Variants in PFKP observed in about 807,000 individuals in gnomAD.
PFKP encodes phosphofructokinase, platelet, also known as ATP-dependent 6-phosphofructokinase, platelet type.
In PFKP, 101 loss-of-function variants were observed where a neutral mutation model predicts 94.3. The ratio of observed to expected loss-of-function variants is 1.07; its 90% CI spans 0.91 to 1.26. The LOEUF is 1.26. PFKP is among the 50% of genes most tolerant of loss of function. The pLI is 0.00. For synonymous variants in PFKP, 573 were observed against 432.6 expected (o/e 1.32, Z -4.03); for missense variants, 1,145 against 1,103.3 (o/e 1.04, Z -0.53).
chr10:3,113,349 C>A (rs1430044008), intron 12 of PFKP, 23 bp from the exon 13 acceptor site: 3 of 1,574,050 alleles, frequency 1.9e-6, no homozygotes, highest in Non-Finnish European at 2.6e-6. Flanking sequence ...TGACCCAGCA[C>A]TCACCTGCCT....
At position 3,136,666 on chromosome 10, in the gene PFKP, T is replaced by A; in HGVS notation, c.*87T>A. The A allele has an allele frequency of 7.0e-7, 1 of 1,438,270 alleles. No individual in the cohort carries two copies. Among genetic ancestry groups the A allele is most frequent in the Non-Finnish European group, 9.6e-7 (1 of 1,044,524 alleles). 89.1% of individuals were successfully genotyped at this position (1,438,270 alleles called of 1,614,324 possible). The stretch of plus-strand genomic sequence containing the variant: ...TTATTTTATCAGCACTTTATGCACG[T>A]ATTATTGACATTAATACCTAATCGG... On this transcript the variant is annotated 3_prime_UTR_variant, in exon 22 of 22. Coordinates refer to ENST00000381125, the MANE Select transcript of PFKP (RefSeq NM_002627.5).
chr10:3,089,452 G>T (rs1265098529), intron 2 of PFKP, among the ~76,000 whole-genome samples: 1 of 151,970 alleles, frequency 6.6e-6, no homozygotes, highest in Non-Finnish European at 1.5e-5. Flanking sequence ...CCTTTCTCGG[G>T]GTATATGCCC....
In PFKP at chr10:3,074,018, G is replaced by A. The variant is rs573221951; in HGVS notation, c.112+6311G>A. On this transcript the variant is annotated intron_variant, in intron 1 of 21. Coordinates refer to ENST00000381125, the MANE Select transcript of PFKP (RefSeq NM_002627.5). ...ATGCTCACCTGATCTTTTTTGTATC[G>A]TTAGTAGAGATGGGTTTCACCGTGT... Among the ~76,000 whole-genome samples, 12 of 152,132 alleles carry A rather than the reference G, an allele frequency of 7.9e-5. No homozygotes were observed. The East Asian group carries it at 9.7e-4, about 12-fold the overall frequency.
intron 15 of PFKP, 88 bp from the exon 16 acceptor site, chr10:3,119,804 G>A: frequency 8.3e-7 from 1 of 1,202,802 alleles, no homozygotes; most frequent in Admixed American, 1.8e-5. Context: ...GCGTGCTGTG[G>A]TGGAGGTGGC....
intron 2 of PFKP, among the ~76,000 whole-genome samples, chr10:3,088,504 C>T (rs1029382786): frequency 9.9e-5 from 15 of 152,094 alleles, no homozygotes; most frequent in Non-Finnish European, 1.6e-4. Context: ...TGACCTGGAG[C>T]GCGTTGCCTG....
At position 3,129,719 on chromosome 10, in the gene PFKP, C is replaced by T. The variant is rs1211076416; in HGVS notation, c.1684-100C>T. On this transcript the variant is annotated intron_variant, in intron 16 of 21. Transcript: ENST00000381125. Reference sequence around the variant, plus strand: ...GATGCTGGGACCGCATGTTTGGGCGCGGTGGGGGGGCCTTGCTGCACTCAC... The same window carrying T: ...GATGCTGGGACCGCATGTTTGGGCGTGGTGGGGGGGCCTTGCTGCACTCAC... 76 of 1,275,406 alleles carry T rather than the reference C, an allele frequency of 6.0e-5. 1 individual carries two copies. Among genetic ancestry groups the T allele is most frequent in the African/African-American group, 1.0e-4 (7 of 67,840 alleles). The allele number at this position is 1,275,406 out of a possible 1,614,324, so 79.0% of individuals were successfully genotyped here.
intron 2 of PFKP, among the ~76,000 whole-genome samples, chr10:3,097,286 C>G (rs915446012): frequency 6.6e-6 from 1 of 151,870 alleles, no homozygotes; most frequent in African/African-American, 2.4e-5. Flanking sequence ...CTTGTGTGGA[C>G]AGAGCATCCG....
chr10:3,127,361 C>T (rs1327861692), intron 16 of PFKP, among the ~76,000 whole-genome samples: 3 of 152,228 alleles, frequency 2.0e-5, no homozygotes, highest in Admixed American at 2.0e-4. Flanking sequence ...CACAAATCAG[C>T]CTCTTGGGAG....
At position 3,133,191 on chromosome 10, in the gene PFKP, C is replaced by A. The variant is rs201823004; in HGVS notation, c.1911-12C>A. 1.9e-6 allele frequency: 3 copies of A among 1,602,778 alleles called. No individual in the cohort carries two copies. Among genetic ancestry groups the A allele is most frequent in the South Asian group, 2.2e-5 (2 of 90,836 alleles). On this transcript the variant is annotated splice_polypyrimidine_tract_variant and intron_variant, in intron 18 of 21. Transcript: ENST00000381125. ...CACGCTAAACAAAGTGACTCCTTCT[C>A]GCTCGTTTCAGAAATGAGAGCTGCA... is the stretch of plus-strand genomic sequence containing the variant.
At chr10:3,093,345 C>T (rs1402202561) in intron 2 of PFKP, among the ~76,000 whole-genome samples, 5 of 152,190 alleles carry the variant, frequency 3.3e-5, no homozygotes, top group Non-Finnish European at 7.3e-5. Context: ...TGCCCATTAA[C>T]TTCCTTGAAG....
intron 2 of PFKP, among the ~76,000 whole-genome samples, chr10:3,089,766 A>G (rs1224343103): frequency 1.3e-5 from 2 of 151,594 alleles, no homozygotes; most frequent in African/African-American, 4.8e-5. Flanking sequence ...ATTATTATAC[A>G]TTATTAACTG....
intron 16 of PFKP, chr10:3,125,189 C>T: frequency 1.2e-5 from 16 of 1,349,642 alleles, no homozygotes; most frequent in Non-Finnish European, 1.6e-5. Flanking sequence ...CGATTAGCAA[C>T]AATGTCCCAG....
intron 1 of PFKP, among the ~76,000 whole-genome samples, chr10:3,075,795 C>T (rs977360701): frequency 4.3e-4 from 64 of 150,012 alleles, no homozygotes; most frequent in African/African-American, 1.5e-3. Context: ...GTCCCAGCCC[C>T]GTGGGAGATT....
At position 3,113,164 on chromosome 10, in the gene PFKP, G is replaced by T. The variant is rs769043623; in HGVS notation, c.1200G>T (p.Lys400Asn). The change falls in exon 12 of 22, where the codon AAG (lysine) becomes AAT (asparagine). Residue 400 changes from lysine (K) to asparagine (N), a missense_variant. Around this residue, in one of 3 missense-constraint regions of PFKP, gnomAD observed 1,119 missense variants for 1,062.8 expected, o/e 1.05. Coordinates refer to ENST00000381125, the MANE Select transcript of PFKP (RefSeq NM_002627.5). Reference protein sequence around the residue: ...NLNTYKRLAIKLPDDQIPKTN... With the variant: ...NLNTYKRLAINLPDDQIPKTN... ...ACACCTACAAGCGACTTGCCATCAA[G>T]CTGCCGGATGATCAGATCCCAAAGG... The T allele has an allele frequency of 6.8e-6, 11 of 1,612,680 alleles. No individual in the cohort carries two copies. The Admixed American group carries it at 1.7e-4, about 24-fold the overall frequency.
chr10:3,126,374 G>A (rs766917297), intron 16 of PFKP, among the ~76,000 whole-genome samples: 6 of 152,190 alleles, frequency 3.9e-5, no homozygotes, highest in Admixed American at 1.3e-4. Flanking sequence ...ACTTCCTTGG[G>A]CCCCGCACTT....
intron 1 of PFKP, among the ~76,000 whole-genome samples, chr10:3,080,622 A>G (rs1250136427): frequency 1.3e-5 from 2 of 152,026 alleles, no homozygotes; most frequent in African/African-American, 4.8e-5. Flanking sequence ...AAACTCGCAC[A>G]GCCCAACAGC....
intron 2 of PFKP, among the ~76,000 whole-genome samples, chr10:3,097,348 A>G (rs34538474): frequency 0.35 from 52,913 of 151,630 alleles, 9,361 homozygotes; most frequent in Middle Eastern, 0.41. Context: ...TGCAGAGGCG[A>G]GGTCTGCATC....
chr10:3,091,807 TTTATC>T (rs1487930611), intron 2 of PFKP, among the ~76,000 whole-genome samples: 1 of 152,126 alleles, frequency 6.6e-6, no homozygotes, highest in Non-Finnish European at 1.5e-5. Context: ...AAAAAAGTCT[TTTATC>T]TTAATTTTTT....
At chr10:3,067,800 G>T in intron 1 of PFKP, 93 bp downstream of exon 1, 1 of 576,970 alleles carries the variant, frequency 1.7e-6, no homozygotes, top group South Asian at 2.9e-5. Context: ...AGAGAAGAGG[G>T]GGGAAGCGAT....
Sources: allele counts gnomAD v4.1 joint callset (sites outside exome capture counted in the v4.1 genomes callset), GRCh38; gene constraint gnomAD v4.1.1; regional missense constraint gnomAD v4.1.1; transcripts MANE v1.5; gene names NCBI Gene and HGNC (gene_info 2026-07-23, HGNC 2026-07-21).